CDH18: variants seen among roughly 807,000 people sequenced by gnomAD.
CDH18 encodes cadherin 18, also known as cadherin-18.
A neutral mutation model predicts 67.9 loss-of-function variants in CDH18; 31 were observed. The ratio of observed to expected loss-of-function variants is 0.46; its 90% CI spans 0.34 to 0.62. The LOEUF is 0.62. Ranked by LOEUF, CDH18 falls within the 20% of genes least tolerant of loss-of-function variation. The pLI, the probability that CDH18 is intolerant of heterozygous loss-of-function variation, is 0.01. For synonymous variants in CDH18, 362 were observed against 347.2 expected, an observed-to-expected ratio of 1.04 and a Z score of -0.48; for missense variants, 890 against 975.5, an observed-to-expected ratio of 0.91 and a Z score of 1.17.
intron 10 of CDH18, among the ~76,000 whole-genome samples, chr5:19,507,096 A>G (rs1437762230): frequency 6.6e-6 from 1 of 152,216 alleles, no homozygotes; most frequent in East Asian, 1.9e-4. Flanking sequence ...TGGGCAAAGG[A>G]TATGAACAGA....
upstream of CDH18, among the ~76,000 whole-genome samples, chr5:19,991,260 T>A (rs1799965034): frequency 6.6e-6 from 1 of 152,208 alleles, no homozygotes; most frequent in Non-Finnish European, 1.5e-5. Flanking sequence ...ACTCTTGTTA[T>A]AATTCAGTTT....
At position 19,482,990 on chromosome 5, in the gene CDH18, T is replaced by C. The variant is rs73760028; in HGVS notation, c.1882+311A>G. Among the ~76,000 whole-genome samples the C allele has an allele frequency of 1.7e-3, 256 of 152,182 alleles. 2 individuals carry two copies. The highest frequency in any genetic ancestry group is 5.4e-3 in the African/African-American group (226 of 41,532). On this transcript the variant is annotated intron_variant, in intron 12 of 12. Coordinates refer to ENST00000382275, the MANE Select transcript of CDH18 (RefSeq NM_004934.5). The stretch of plus-strand genomic sequence containing the variant: ...ATTTAGAATGATGCCGCTTAGATTC[T>C]TGCCAAAAATTTTTAAAAGCTCTTT...
chr5:19,851,235 G>C (rs375118962), intron 2 of CDH18, among the ~76,000 whole-genome samples: 4 of 151,358 alleles, frequency 2.6e-5, no homozygotes, highest in East Asian at 1.9e-4. Flanking sequence ...AACTTTGTCG[G>C]GAATATTTAG....
chr5:20,527,550 C>G (rs917809376), intron 1 of CDH18, among the ~76,000 whole-genome samples: 2 of 151,974 alleles, frequency 1.3e-5, no homozygotes, highest in Non-Finnish European at 2.9e-5. Context: ...ATCAGACTAA[C>G]AGCAGACTAC....
chr5:19,902,611 T>C (rs557544649), intron 2 of CDH18, among the ~76,000 whole-genome samples: 1 of 152,174 alleles, frequency 6.6e-6, no homozygotes, highest in Non-Finnish European at 1.5e-5. Flanking sequence ...TTGTGCGAGA[T>C]TTCTCATGAG....
intron 1 of CDH18, among the ~76,000 whole-genome samples, chr5:20,356,751 C>CTATATATATA (rs376251008): frequency 7.9e-6 from 1 of 127,072 alleles, no homozygotes; most frequent in African/African-American, 3.1e-5. Flanking sequence ...CTCTCTCTCT[C>CTATATATATA]TCTATATATA....
chr5:19,558,677 G>A (rs926484171), intron 8 of CDH18, among the ~76,000 whole-genome samples: 1 of 151,810 alleles, frequency 6.6e-6, no homozygotes, highest in African/African-American at 2.4e-5. Context: ...ACAAAAAAAA[G>A]TCCAGGACCA....
At chr5:19,968,481 G>C (rs888683748) in intron 2 of CDH18, among the ~76,000 whole-genome samples, 15 of 151,924 alleles carry the variant, frequency 9.9e-5, no homozygotes, top group Non-Finnish European at 2.2e-4. Context: ...CATGGTACTG[G>C]TACCAAAACA....
chr5:20,549,335 T>C (rs1249011006), intron 1 of CDH18, among the ~76,000 whole-genome samples: 1 of 152,158 alleles, frequency 6.6e-6, no homozygotes, highest in African/African-American at 2.4e-5. Context: ...CACTTCTTAA[T>C]AGGTAAAATA....
chr5:20,186,906 T>C (rs1738145486), intron 2 of CDH18, among the ~76,000 whole-genome samples: 1 of 151,808 alleles, frequency 6.6e-6, no homozygotes, highest in East Asian at 1.9e-4. Flanking sequence ...TGTCCATCAA[T>C]AGAAAAATGG....
rs114292227 is a variant in CDH18, at chr5:20,469,212, T to C, written c.-580+106250A>G. Among the ~76,000 whole-genome samples, 614 of 152,310 alleles carry C rather than the reference T, an allele frequency of 4.0e-3. 8 individuals are homozygous for C. Among genetic ancestry groups the C allele is most frequent in the African/African-American group, 0.014 (586 of 41,564 alleles). On this transcript the variant is annotated intron_variant, in intron 1 of 14. Coordinates refer to the CDH18 transcript ENST00000507958. ...CTCAAGACCCAGTCTGAATTGCACA[T>C]AGCGAACAATCCATAAATATCACAA... is the stretch of plus-strand genomic sequence containing the variant.
chr5:19,526,328 A>G (rs1243137784), intron 9 of CDH18, among the ~76,000 whole-genome samples: 1 of 152,172 alleles, frequency 6.6e-6, no homozygotes, highest in South Asian at 2.1e-4. Context: ...CATTAATACA[A>G]TAGGGACTCA....
At chr5:20,454,333 C>T (rs940115487) in intron 1 of CDH18, among the ~76,000 whole-genome samples, 3 of 150,994 alleles carry the variant, frequency 2.0e-5, no homozygotes, top group Non-Finnish European at 4.4e-5. Context: ...ATTCACATAA[C>T]TTTCATTTTT....
rs1056734786 is a variant in CDH18, at chr5:19,543,994, T to A, written c.1265A>T (p.Asn422Ile). ...STNSLVRYFINYNVEDDRFFN... is the reference protein window; with the variant it reads ...STNSLVRYFIIYNVEDDRFFN... ...AAATCTGTCGTCTTCAACATTGTAG[T>A]TGATGAAGTATCTAGAGAAAAAAAG... The change falls in exon 9 of 13, where the codon AAC (asparagine) becomes ATC (isoleucine). Residue 422 changes from asparagine to isoleucine, a missense_variant. Physicochemically the swap from Asn to Ile is moderately radical, Grantham distance 149. Coordinates refer to ENST00000382275, the MANE Select transcript of CDH18 (RefSeq NM_004934.5). The A allele has an allele frequency of 6.4e-7, 1 of 1,564,266 alleles. No individual in the cohort carries two copies. Among genetic ancestry groups the A allele is most frequent in the Non-Finnish European group, 8.7e-7 (1 of 1,147,878 alleles).
intron 1 of CDH18, among the ~76,000 whole-genome samples, chr5:20,389,251 A>T (rs1057282908): frequency 6.6e-6 from 1 of 152,130 alleles, no homozygotes; most frequent in Non-Finnish European, 1.5e-5. Flanking sequence ...TTGGGTGCAT[A>T]TATATTCAGG....
At chr5:20,365,419 C>G (rs1742429404) in intron 1 of CDH18, among the ~76,000 whole-genome samples, 1 of 152,164 alleles carries the variant, frequency 6.6e-6, no homozygotes, top group African/African-American at 2.4e-5. Flanking sequence ...CAAGCAATTC[C>G]TGATCTGCCG....
intron 5 of CDH18, among the ~76,000 whole-genome samples, chr5:19,682,530 C>G (rs1425373447): frequency 2.0e-5 from 3 of 152,038 alleles, no homozygotes; most frequent in African/African-American, 7.2e-5. Flanking sequence ...TGAGTCCTCT[C>G]TCTTCTAAGC....
At chr5:19,709,041 C>T (rs1257746254) in intron 5 of CDH18, among the ~76,000 whole-genome samples, 2 of 149,884 alleles carry the variant, frequency 1.3e-5, no homozygotes, top group South Asian at 2.1e-4. Context: ...AATAACTTTC[C>T]TTTCAAACCT....
chr5:20,410,664 A>T (rs1490928392), intron 1 of CDH18, among the ~76,000 whole-genome samples: 1 of 151,650 alleles, frequency 6.6e-6, no homozygotes, highest in South Asian at 2.1e-4. Context: ...TCCATTGAAC[A>T]TAAAAAAGGA....
Sources: gnomAD v4.1 joint callset for allele counts (sites outside exome capture counted in the v4.1 genomes callset) on GRCh38, gnomAD v4.1.1 for gene constraint, MANE v1.5 for transcripts, NCBI Gene and HGNC (gene_info 2026-07-23, HGNC 2026-07-21) for gene names.